The following CSMD1 variants were observed in gnomAD, a reference collection of about 807,000 sequenced individuals.
CSMD1 encodes CUB and Sushi multiple domains 1.
A neutral mutation model predicts 417.5 loss-of-function variants in CSMD1; 213 were observed. The observed-to-expected ratio is 0.51, with a 90% CI of 0.46 to 0.57. The LOEUF (loss-of-function observed/expected upper bound fraction) is 0.57. Ranked by LOEUF, CSMD1 falls within the 20% of genes least tolerant of loss-of-function variation. The probability of loss-of-function intolerance (pLI) is 0.00; values close to 1 mark genes in which losing one functional copy is unlikely to be tolerated. For missense variants in CSMD1, 6,923 were observed against 4,529.7 expected (o/e 1.53, Z -15.17); for synonymous variants, 2,862 against 1,736.8 (o/e 1.65, Z -16.11).
At chr8:4,049,128 G>C (rs534839442) in intron 3 of CSMD1, among the ~76,000 whole-genome samples, 1 of 151,922 alleles carries the variant, frequency 6.6e-6, no homozygotes, top group East Asian at 1.9e-4. Flanking sequence ...TATTTTTACA[G>C]CTATTCTTTC....
intron 3 of CSMD1, among the ~76,000 whole-genome samples, chr8:4,369,607 A>G (rs979615826): frequency 6.6e-6 from 1 of 152,072 alleles, no homozygotes; most frequent in African/African-American, 2.4e-5. Flanking sequence ...AACTTGTTTT[A>G]TGACTATGAG....
intron 26 of CSMD1, among the ~76,000 whole-genome samples, chr8:3,253,894 T>A (rs1800455942): frequency 6.6e-6 from 1 of 152,230 alleles, no homozygotes; most frequent in Admixed American, 6.5e-5. Context: ...TATATTGTTA[T>A]GTGTGAATTT....
chr8:4,521,951 T>A (rs1455362052), intron 2 of CSMD1, among the ~76,000 whole-genome samples: 1 of 152,170 alleles, frequency 6.6e-6, no homozygotes, highest in East Asian at 1.9e-4. Flanking sequence ...ATTATGAAAG[T>A]TCCCAGATAG....
intron 5 of CSMD1, among the ~76,000 whole-genome samples, chr8:3,780,827 A>T (rs1799137473): frequency 6.6e-6 from 1 of 152,228 alleles, no homozygotes; most frequent in African/African-American, 2.4e-5. Context: ...TTGCCATAGA[A>T]CAATTTCCTC....
chr8:3,161,624 GAA>G (rs10644122), intron 38 of CSMD1, among the ~76,000 whole-genome samples: 5 of 58,292 alleles, frequency 8.6e-5, no homozygotes, highest in Admixed American at 3.8e-4. Flanking sequence ...CTCCCTCTCA[GAA>G]AAAAAAAAAA....
At chr8:3,486,279 TA>T (rs1467524350) in intron 11 of CSMD1, among the ~76,000 whole-genome samples, 2 of 151,994 alleles carry the variant, frequency 1.3e-5, no homozygotes, top group African/African-American at 4.8e-5. Context: ...AACTATTTTT[TA>T]TCTACCATTC....
At chr8:4,806,319 C>T (rs550381854) in intron 1 of CSMD1, among the ~76,000 whole-genome samples, 1 of 152,152 alleles carries the variant, frequency 6.6e-6, no homozygotes, top group Non-Finnish European at 1.5e-5. Flanking sequence ...TAGTTCCACC[C>T]TAGATGGGAG....
In CSMD1 at chr8:4,405,682, G is replaced by A. The variant is rs567792236; in HGVS notation, c.415+14271C>T. ...CATGAGACACATCACTCATCGCTAA[G>A]CTCCATAAAACAGGATGTGTCTATT... is the stretch of plus-strand genomic sequence containing the variant. On this transcript the variant is annotated intron_variant, in intron 3 of 69. Coordinates refer to ENST00000635120, the MANE Select transcript of CSMD1 (RefSeq NM_033225.6). Among the ~76,000 whole-genome samples the A allele has an allele frequency of 2.8e-4, 43 of 152,318 alleles. No homozygotes were observed. In the South Asian group the frequency reaches 8.3e-3, roughly 29 times the overall value.
chr8:3,701,607 C>T (rs1315411918), intron 7 of CSMD1, among the ~76,000 whole-genome samples: 1 of 151,822 alleles, frequency 6.6e-6, no homozygotes, highest in Admixed American at 6.6e-5. Context: ...CTTAAGACAA[C>T]TAAAACTACG....
rs189891927 is a variant in CSMD1, at chr8:3,313,118, C to G, written c.3632-4615G>C. On this transcript the variant is annotated intron_variant, in intron 23 of 69. Coordinates refer to ENST00000635120, the MANE Select transcript of CSMD1 (RefSeq NM_033225.6). The stretch of plus-strand genomic sequence containing the variant: ...AGAATGTTTCCATGTTTTAAGAAAT[C>G]TCAGATGGATTAAAGACTTAAATGT... Among the ~76,000 whole-genome samples, 14 of 152,180 alleles carry G rather than the reference C, an allele frequency of 9.2e-5. No homozygotes were observed. In the East Asian group the frequency reaches 2.7e-3, roughly 29 times the overall value.
At chr8:4,444,898 C>G (rs1013164407) in intron 2 of CSMD1, among the ~76,000 whole-genome samples, 2 of 152,150 alleles carry the variant, frequency 1.3e-5, no homozygotes, top group South Asian at 4.1e-4. Context: ...AGACTCTGAC[C>G]TTGTCCAGGT....
At chr8:3,730,035 C>T (rs751225528) in intron 6 of CSMD1, among the ~76,000 whole-genome samples, 35 of 148,934 alleles carry the variant, frequency 2.4e-4, no homozygotes, top group Non-Finnish European at 5.2e-4. Context: ...CGAAGCGCTG[C>T]AAGTGTTTCC....
Position 3,491,908 on chromosome 8 carries a change from A to C in CSMD1, c.1448+1715T>G, listed in dbSNP as rs536666138. Among the ~76,000 whole-genome samples the C allele has an allele frequency of 3.3e-5, 5 of 152,282 alleles. No homozygotes were observed. In the East Asian group the frequency reaches 9.7e-4, roughly 30 times the overall value. ...AGAAAGAGACAGAATGAGAGTTTAA[A>C]AGGCGGGTCCAGGGGACCTGAGGAT... On this transcript the variant is annotated intron_variant, in intron 11 of 69. Coordinates refer to ENST00000635120, the MANE Select transcript of CSMD1 (RefSeq NM_033225.6).
chr8:3,209,815 A>G (rs2116785629), intron 30 of CSMD1, among the ~76,000 whole-genome samples: 1 of 152,352 alleles, frequency 6.6e-6, no homozygotes. Context: ...ATTCATTGCT[A>G]ATGGTAACAA....
intron 68 of CSMD1, among the ~76,000 whole-genome samples, chr8:2,944,892 G>C (rs1054432412): frequency 6.6e-6 from 1 of 151,798 alleles, no homozygotes; most frequent in African/African-American, 2.4e-5. Context: ...ATCCATAATA[G>C]ATAACAAAAT....
intron 1 of CSMD1, among the ~76,000 whole-genome samples, chr8:4,650,208 G>A (rs992112694): frequency 6.6e-6 from 1 of 151,882 alleles, no homozygotes; most frequent in African/African-American, 2.4e-5. Flanking sequence ...AGCCGGGTGT[G>A]GTGGCGGGCG....
At chr8:4,818,452 C>T (rs1252008193) in intron 1 of CSMD1, among the ~76,000 whole-genome samples, 2 of 152,066 alleles carry the variant, frequency 1.3e-5, no homozygotes, top group African/African-American at 4.8e-5. Flanking sequence ...CTCAGTAAAT[C>T]CAAACTTAAA....
intron 3 of CSMD1, among the ~76,000 whole-genome samples, chr8:4,128,305 T>C (rs995649086): frequency 6.6e-5 from 10 of 152,290 alleles, no homozygotes; most frequent in African/African-American, 2.4e-4. Flanking sequence ...CGTGAATTAC[T>C]ACAAATTAGG....
intron 1 of CSMD1, among the ~76,000 whole-genome samples, chr8:4,972,688 C>T (rs1366312724): frequency 6.7e-6 from 1 of 149,072 alleles, no homozygotes; most frequent in Admixed American, 6.7e-5. Context: ...CCTTCAACAA[C>T]CCTGAATTTA....
Sources: gnomAD v4.1 joint callset for allele counts (sites outside exome capture counted in the v4.1 genomes callset) on GRCh38, gnomAD v4.1.1 for gene constraint, MANE v1.5 for transcripts, NCBI Gene and HGNC (gene_info 2026-07-23, HGNC 2026-07-21) for gene names.